Variants in CPM observed in about 807,000 individuals in gnomAD.
The protein encoded by CPM is renal carboxypeptidase.
A neutral mutation model predicts 46.4 loss-of-function variants in CPM; 35 were observed. That is an observed-to-expected ratio of 0.75 (90% confidence interval 0.58 to 1.00). The LOEUF is 1.00. Among genes scored for constraint, CPM ranks in the 50% least tolerant of loss-of-function variants. The pLI, the probability that CPM is intolerant of heterozygous loss-of-function variation, is 0.00. For synonymous variants in CPM, 195 were observed against 195.3 expected, an observed-to-expected ratio of 1.00 and a Z score of 0.01; for missense variants, 422 against 530.4, an observed-to-expected ratio of 0.80 and a Z score of 2.01.
chr12:68,871,341 T>C (rs1885684610), intron 4 of CPM, among the ~76,000 whole-genome samples: 1 of 152,048 alleles, frequency 6.6e-6, no homozygotes, highest in Non-Finnish European at 1.5e-5. Context: ...AGAAATTAGA[T>C]ATTAAAAGTT....
Position 68,963,003 on chromosome 12 carries a change from G to A in CPM, c.-4+166C>T, listed in dbSNP as rs532585135. ...TCCCTAAAATGTATAAAACAAAGTC[G>A]TGGCCTGACCACCTTAGGCACATAG... On this transcript the variant is annotated intron_variant, in intron 1 of 8. Coordinates refer to the CPM transcript ENST00000546373. Among the ~76,000 whole-genome samples, 8 of 152,276 alleles carry A rather than the reference G, an allele frequency of 5.3e-5. 1 individual carries two copies. The South Asian group carries it at 1.0e-3, about 20-fold the overall frequency.
intron 1 of CPM, among the ~76,000 whole-genome samples, chr12:68,953,338 T>C (rs1888965555): frequency 6.6e-6 from 1 of 152,152 alleles, no homozygotes; most frequent in South Asian, 2.1e-4. Flanking sequence ...CATATTTCCG[T>C]GCATGGAATA....
At chr12:68,882,885 A>G (rs1886256739) in intron 3 of CPM, among the ~76,000 whole-genome samples, 1 of 152,234 alleles carries the variant, frequency 6.6e-6, no homozygotes, top group Non-Finnish European at 1.5e-5. Context: ...ACCCAATTCT[A>G]AAACAAGGCA....
rs569774240 is a variant in CPM at position 68,961,057 on chromosome 12, T to C, written c.-4+2112A>G. 3.3e-4 allele frequency among the ~76,000 whole-genome samples: 50 copies of C among 152,248 alleles called. No individual in the cohort carries two copies. In the South Asian group the frequency reaches 0.01, roughly 31 times the overall value. On this transcript the variant is annotated intron_variant, in intron 1 of 8. Transcript: ENST00000546373. ...GTCCACTTACTGGTTGTTACCCAAA[T>C]AGAATAGACAGGGACAGTGGTCTGA...
rs187457368 is a variant in CPM at position 68,957,477 on chromosome 12, C to T, written c.-4+5692G>A. On this transcript the variant is annotated intron_variant, in intron 1 of 8. Transcript: ENST00000546373. ...TGTGCTGGCAAAAGTTTCCAAAATG[C>T]AGTTGAGAAATACAGCTCCAGTGAC... 18 of 270,130 alleles carry T rather than the reference C, an allele frequency of 6.7e-5. No individual in the cohort carries two copies. In the Admixed American group the frequency reaches 6.7e-4, roughly 10 times the overall value. 16.7% of individuals were successfully genotyped at this position (270,130 alleles called of 1,614,324 possible).
At position 68,856,596 on chromosome 12, in the gene CPM, A is replaced by G; in HGVS notation, c.1173T>C (p.Asp391=). 1 of 1,614,246 alleles carries G rather than the reference A, an allele frequency of 6.2e-7. No individual in the cohort carries two copies. The highest frequency in any genetic ancestry group is 8.5e-7 in the Non-Finnish European group (1 of 1,180,022). ...KSQNFSALKK[D]ILLPFQGQLD... is the part of the protein sequence containing the mutation. ...ATTGCCCTTGGAATGGAAGTAGAAT[A>G]TCCTTTTTAAGAGCACTGAAGTTCT... Residue 391 remains aspartate (D), a synonymous_variant, in exon 9 of 9, where the codon GAT becomes GAC. Transcript: ENST00000551568.
chr12:68,856,378 C>T lies in CPM; in HGVS notation c.*59G>A, dbSNP rs1279306535. 9 of 1,572,312 alleles carry T rather than the reference C, an allele frequency of 5.7e-6. No homozygotes were observed. Among genetic ancestry groups the T allele is most frequent in the Admixed American group, 3.5e-5 (2 of 56,980 alleles). On this transcript the variant is annotated 3_prime_UTR_variant, in exon 9 of 9. Coordinates refer to ENST00000551568, the MANE Select transcript of CPM (RefSeq NM_198320.5). The stretch of plus-strand genomic sequence containing the variant: ...CTAGAGTGAGTTAGGGTTGCAGTAA[C>T]CTGGAGTGAGCAATCCCTGATTCCA...
In CPM at chr12:68,853,830, GAGGAAGGTAGGAAGAGGAGAAGGA is replaced by G. The variant is rs1884838782; in HGVS notation, c.*2583_*2606del. The G allele has an allele frequency of 6.6e-6, 1 of 152,172 alleles. No homozygotes were observed. The highest frequency in any genetic ancestry group is 2.4e-5 in the African/African-American group (1 of 41,364). The allele number at this position is 152,172 out of a possible 1,614,324, so 9.4% of individuals were successfully genotyped here. On this transcript the variant is annotated 3_prime_UTR_variant, in exon 9 of 9. Transcript: ENST00000551568. Reference sequence around the variant, plus strand: ...AGAAGGGGAGGAGAGGGAAAGGAGGGAGGAAGGTAGGAAGAGGAGAAGGAAGGAAGAAAGGAAAGAAATCTGCTC... The same window carrying G: ...AGAAGGGGAGGAGAGGGAAAGGAGGGAGGAAGAAAGGAAAGAAATCTGCTC...
At chr12:68,962,156 C>CAT (rs1889130504) in intron 1 of CPM, among the ~76,000 whole-genome samples, 1 of 149,000 alleles carries the variant, frequency 6.7e-6, no homozygotes. Context: ...GCCAAGATAG[C>CAT]GCCACTGCAC....
At chr12:68,857,587 C>T (rs61926266) in intron 8 of CPM, among the ~76,000 whole-genome samples, 23,075 of 151,812 alleles carry the variant, frequency 0.15, 1,913 homozygotes, top group Middle Eastern at 0.24. Context: ...TAACTACAGG[C>T]AATGTCTACT....
At chr12:68,868,865 C>T (rs901707578) in intron 6 of CPM, among the ~76,000 whole-genome samples, 2 of 152,136 alleles carry the variant, frequency 1.3e-5, no homozygotes, top group African/African-American at 2.4e-5. Context: ...TAGCAGCTGT[C>T]CCTGTTAGAT....
intron 2 of CPM, among the ~76,000 whole-genome samples, chr12:68,903,565 G>A (rs1024256891): frequency 1.8e-4 from 27 of 152,222 alleles, no homozygotes; most frequent in African/African-American, 6.5e-4. Flanking sequence ...AGCAGCATGA[G>A]GAAATGAAGG....
rs913844840 is a variant in CPM at position 68,852,252 on chromosome 12, G to A, written c.*4185C>T. 1 of 152,192 alleles carries A rather than the reference G, an allele frequency of 6.6e-6. No individual in the cohort carries two copies. Among genetic ancestry groups the A allele is most frequent in the East Asian group, 1.9e-4 (1 of 5,198 alleles). The allele number at this position is 152,192 out of a possible 1,614,324, so 9.4% of individuals were successfully genotyped here. A position where few individuals can be genotyped will look rare whatever the true frequency, so the allele number is the denominator to read the frequency against. ...AAATCAACACTGTCATTTATCTGCA[G>A]GGACTTAATGTTTTTCTAAAATACT... On this transcript the variant is annotated 3_prime_UTR_variant, in exon 9 of 9. Transcript: ENST00000551568.
chr12:68,907,818 G>GTTATTTATTTATTTAT lies in CPM; in HGVS notation c.161-21945_161-21930dup, dbSNP rs528453019. Among the ~76,000 whole-genome samples, 452 of 151,660 alleles carry GTTATTTATTTATTTAT rather than the reference G, an allele frequency of 3.0e-3. 1 individual carries two copies. The highest frequency in any genetic ancestry group is 0.015 in the East Asian group (78 of 5,150). ...TCATCATTAATCCAGGGCTGGGTTG[G>GTTATTTATTTATTTAT]TTATTTATTTATTTATTTATTTATT... is the stretch of plus-strand genomic sequence containing the variant. On this transcript the variant is annotated intron_variant, in intron 2 of 8. Coordinates refer to ENST00000551568, the MANE Select transcript of CPM (RefSeq NM_198320.5).
chr12:68,951,039 G>A (rs543541576), intron 1 of CPM, among the ~76,000 whole-genome samples: 2 of 152,286 alleles, frequency 1.3e-5, no homozygotes, highest in Non-Finnish European at 2.9e-5. Context: ...ATCACTCCTA[G>A]TGGTTCTGCT....
intron 2 of CPM, among the ~76,000 whole-genome samples, chr12:68,889,402 T>C (rs182869756): frequency 4.8e-4 from 73 of 152,298 alleles, no homozygotes; most frequent in African/African-American, 1.6e-3. Context: ...TTCACTAAAA[T>C]TACGTACAGA....
At chr12:68,846,513 G>T (rs1047469769), downstream of CPM, 1 of 152,138 alleles carries the variant, frequency 6.6e-6, no homozygotes, top group Non-Finnish European at 1.5e-5. Flanking sequence ...CCACTGTCCT[G>T]TATTAAGTAG....
At chr12:68,952,534 G>A (rs1298552148) in intron 1 of CPM, among the ~76,000 whole-genome samples, 2 of 152,172 alleles carry the variant, frequency 1.3e-5, no homozygotes, top group South Asian at 2.1e-4. Flanking sequence ...AAAAGCATGG[G>A]ACCCTTCTAA....
At chr12:68,847,093 C>T (rs951888817), downstream of CPM, 5 of 147,694 alleles carry the variant, frequency 3.4e-5, no homozygotes, top group Non-Finnish European at 7.4e-5. Flanking sequence ...GAACACAGGC[C>T]TGTTGCCACC....
Sources: gnomAD v4.1 joint callset for allele counts (sites outside exome capture counted in the v4.1 genomes callset) on GRCh38, gnomAD v4.1.1 for gene constraint, MANE v1.5 for transcripts, NCBI Gene and HGNC (gene_info 2026-07-23, HGNC 2026-07-21) for gene names.